Variants in PREX2 observed in about 807,000 individuals in gnomAD.
PREX2 encodes the protein phosphatidylinositol-3,4,5-trisphosphate dependent Rac exchange factor 2.
In PREX2, 107 loss-of-function variants were observed where a neutral mutation model predicts 203.2. The ratio of observed to expected loss-of-function variants is 0.53; its 90% CI spans 0.45 to 0.62. The LOEUF is 0.62. PREX2 is among the 20% of genes least tolerant of loss of function. PREX2 has a pLI of 0.00. For missense variants in PREX2, 1,777 were observed against 1,955.9 expected, an observed-to-expected ratio of 0.91 and a Z score of 1.72; for synonymous variants, 672 against 663.6, an observed-to-expected ratio of 1.01 and a Z score of -0.19.
chr8:68,113,316 C>T (rs1412270682), intron 25 of PREX2, among the ~76,000 whole-genome samples: 3 of 152,190 alleles, frequency 2.0e-5, no homozygotes, highest in African/African-American at 7.2e-5. Flanking sequence ...AGCCCCATGA[C>T]TTCTAATTTA....
intron 1 of PREX2, among the ~76,000 whole-genome samples, chr8:67,969,693 C>A (rs1460324053): frequency 1.3e-5 from 2 of 152,178 alleles, no homozygotes; most frequent in Admixed American, 6.5e-5. Context: ...GCTGCTGGGA[C>A]CTTCCTCATA....
chr8:68,096,359 G>A (rs1040038309), intron 21 of PREX2, among the ~76,000 whole-genome samples: 1 of 152,084 alleles, frequency 6.6e-6, no homozygotes, highest in African/African-American at 2.4e-5. Flanking sequence ...TAATATTCTA[G>A]TTTTGTTTAT....
chr8:68,078,121 A>C (rs1024015157), intron 15 of PREX2, among the ~76,000 whole-genome samples: 3 of 152,144 alleles, frequency 2.0e-5, no homozygotes, highest in African/African-American at 7.2e-5. Flanking sequence ...TGTTCGTAAC[A>C]TCATATAGAA....
At chr8:68,036,809 G>A (rs1808047223) in intron 6 of PREX2, among the ~76,000 whole-genome samples, 1 of 152,090 alleles carries the variant, frequency 6.6e-6, no homozygotes, top group Non-Finnish European at 1.5e-5. Context: ...GCTGGGCGTG[G>A]TGGCATGCCT....
intron 38 of PREX2, among the ~76,000 whole-genome samples, chr8:68,219,112 C>A (rs1812902233): frequency 6.6e-6 from 1 of 152,184 alleles, no homozygotes; most frequent in South Asian, 2.1e-4. Flanking sequence ...TGTAGGAAGA[C>A]TTGGGAAGCG....
At chr8:68,073,372 T>C (rs1364828472) in intron 14 of PREX2, among the ~76,000 whole-genome samples, 1 of 151,998 alleles carries the variant, frequency 6.6e-6, no homozygotes, top group Non-Finnish European at 1.5e-5. Context: ...GTCAATTTCA[T>C]ACACACCTTT....
chr8:68,048,620 TTG>T (rs1166654394), intron 8 of PREX2, among the ~76,000 whole-genome samples: 1 of 152,028 alleles, frequency 6.6e-6, no homozygotes, highest in African/African-American at 2.4e-5. Flanking sequence ...TAAAGAAACT[TTG>T]GACATTGCAG....
intron 30 of PREX2, among the ~76,000 whole-genome samples, chr8:68,122,829 A>C (rs772850701): frequency 3.9e-5 from 6 of 152,038 alleles, no homozygotes; most frequent in Non-Finnish European, 8.8e-5. Flanking sequence ...TGAATTTCTT[A>C]ATCTTTATTT....
chr8:68,145,948 C>T (rs914619942), intron 33 of PREX2, among the ~76,000 whole-genome samples: 1 of 151,994 alleles, frequency 6.6e-6, no homozygotes, highest in Non-Finnish European at 1.5e-5. Context: ...TTAAGTGAGA[C>T]ATCTGATATG....
At chr8:68,001,445 C>T (rs1339088238) in intron 1 of PREX2, among the ~76,000 whole-genome samples, 1 of 152,150 alleles carries the variant, frequency 6.6e-6, no homozygotes, top group Non-Finnish European at 1.5e-5. Flanking sequence ...CAAAAAATAA[C>T]AGATGCTGTT....
intron 1 of PREX2, among the ~76,000 whole-genome samples, chr8:68,011,682 T>G (rs1406220576): frequency 6.6e-6 from 1 of 152,150 alleles, no homozygotes; most frequent in Non-Finnish European, 1.5e-5. Flanking sequence ...GTCAATGTTT[T>G]AACCACATAG....
At chr8:68,037,945 C>G (rs1403580982) in intron 6 of PREX2, among the ~76,000 whole-genome samples, 1 of 152,174 alleles carries the variant, frequency 6.6e-6, no homozygotes, top group Admixed American at 6.5e-5. Flanking sequence ...CACAGAATCT[C>G]TTAACAGTGG....
In PREX2 at chr8:68,194,715, C is replaced by T. The variant is rs142946923; in HGVS notation, c.4604+2190C>T. Among the ~76,000 whole-genome samples the T allele has an allele frequency of 8.5e-3, 1,282 of 151,536 alleles. 4 individuals carry two copies. The highest frequency in any genetic ancestry group is 0.014 in the Non-Finnish European group (983 of 67,874). On this transcript the variant is annotated intron_variant, in intron 37 of 39. Coordinates refer to ENST00000288368, the MANE Select transcript of PREX2 (RefSeq NM_024870.4). ...ACTCGGGAGGCTGAGGCAGGAGAATCGCTTGAATCTGGGAGGCGGAGGTCG... is the reference window on the plus strand; with the variant it reads ...ACTCGGGAGGCTGAGGCAGGAGAATTGCTTGAATCTGGGAGGCGGAGGTCG...
At chr8:68,194,991 G>C (rs1812368356) in intron 37 of PREX2, among the ~76,000 whole-genome samples, 2 of 152,086 alleles carry the variant, frequency 1.3e-5, no homozygotes, top group South Asian at 4.2e-4. Flanking sequence ...CTCTTACCCT[G>C]GTACAAGATC....
At chr8:68,098,704 A>G (rs879415320) in intron 22 of PREX2, among the ~76,000 whole-genome samples, 1 of 141,818 alleles carries the variant, frequency 7.1e-6, no homozygotes, top group Non-Finnish European at 1.6e-5. Context: ...TCAAGAAAGA[A>G]ATGTAGCCAA....
At chr8:68,213,624 T>C (rs979697747) in intron 37 of PREX2, among the ~76,000 whole-genome samples, 1 of 152,258 alleles carries the variant, frequency 6.6e-6, no homozygotes, top group African/African-American at 2.4e-5. Flanking sequence ...ATTTATCATA[T>C]TAAAACTGTG....
chr8:68,130,114 CAAA>C (rs71253064), intron 31 of PREX2, among the ~76,000 whole-genome samples: 5 of 102,672 alleles, frequency 4.9e-5, no homozygotes, highest in African/African-American at 1.1e-4. Context: ...CCTGCCTCTG[CAAA>C]AAAAAAAAAA....
chr8:68,106,508 C>T (rs1020390381), intron 23 of PREX2, among the ~76,000 whole-genome samples: 2 of 152,164 alleles, frequency 1.3e-5, no homozygotes, highest in African/African-American at 4.8e-5. Flanking sequence ...TAGATTCCTA[C>T]TGTGCGCTGG....
At chr8:68,129,546 T>G (rs532901720) in intron 31 of PREX2, among the ~76,000 whole-genome samples, 76 of 152,180 alleles carry the variant, frequency 5.0e-4, no homozygotes, top group Non-Finnish European at 8.4e-4. Context: ...TTTCTCTTTT[T>G]CTAATCTCCT....
Sources: allele counts gnomAD v4.1 joint callset (sites outside exome capture counted in the v4.1 genomes callset), GRCh38; gene constraint gnomAD v4.1.1; transcripts MANE v1.5; gene names NCBI Gene and HGNC (gene_info 2026-07-23, HGNC 2026-07-21).